Variants in ADGRL3 observed in about 807,000 individuals in gnomAD.
ADGRL3 encodes the protein adhesion G protein-coupled receptor L3.
A neutral mutation model predicts 153.5 loss-of-function variants in ADGRL3; 62 were observed. That is an observed-to-expected ratio of 0.40 (90% CI 0.33 to 0.50). The LOEUF (loss-of-function observed/expected upper bound fraction) is 0.50. Ranked by LOEUF, ADGRL3 falls within the 20% of genes least tolerant of loss-of-function variation. The pLI is 0.47. For missense variants in ADGRL3, 1,641 were observed against 1,859.4 expected, an observed-to-expected ratio of 0.88 and a Z score of 2.16; for synonymous variants, 710 against 672.5, an observed-to-expected ratio of 1.06 and a Z score of -0.86.
At chr4:61,314,240 G>T (rs1171049766) in intron 1 of ADGRL3, among the ~76,000 whole-genome samples, 2 of 142,412 alleles carry the variant, frequency 1.4e-5, no homozygotes, top group African/African-American at 5.3e-5. Context: ...ATTGAGTTTC[G>T]CTCTTGTTGC....
intron 9 of ADGRL3, among the ~76,000 whole-genome samples, chr4:61,844,594 A>ATATATATC: frequency 8.2e-6 from 1 of 121,810 alleles, no homozygotes; most frequent in Non-Finnish European, 1.7e-5. Flanking sequence ...ATATATATAT[A>ATATATATC]TATTTACTTT....
At chr4:61,411,359 T>C (rs190979489) in intron 2 of ADGRL3, among the ~76,000 whole-genome samples, 14 of 152,298 alleles carry the variant, frequency 9.2e-5, no homozygotes, top group African/African-American at 3.4e-4. Context: ...TTTCTTCTTG[T>C]AAGTTTTGGC....
chr4:61,911,542 A>G (rs1413504212), intron 12 of ADGRL3, among the ~76,000 whole-genome samples: 2 of 152,148 alleles, frequency 1.3e-5, no homozygotes, highest in Non-Finnish European at 2.9e-5. Context: ...TCCCTGAAGC[A>G]GTTATAACCT....
intron 6 of ADGRL3, among the ~76,000 whole-genome samples, chr4:61,682,373 A>C (rs1038826177): frequency 1.1e-4 from 17 of 151,852 alleles, no homozygotes; most frequent in Admixed American, 5.3e-4. Flanking sequence ...CAAATAATTT[A>C]TCTCTCCTTC....
At chr4:61,442,421 C>T (rs949356572) in intron 2 of ADGRL3, among the ~76,000 whole-genome samples, 11 of 152,002 alleles carry the variant, frequency 7.2e-5, no homozygotes, top group African/African-American at 2.7e-4. Flanking sequence ...GGGAGCCATT[C>T]GATTATTGCA....
At chr4:61,587,178 T>C (rs1343047556) in intron 4 of ADGRL3, 49 bp from the exon 5 acceptor site, 3 of 1,269,934 alleles carry the variant, frequency 2.4e-6, no homozygotes, top group Middle Eastern at 4.8e-4. Flanking sequence ...TAATTTTCCT[T>C]TGTATGTAGT....
chr4:61,354,599 T>TGTGC lies in ADGRL3; in HGVS notation c.-239-28524_-239-28523insTGCG, dbSNP rs973809061. On this transcript the variant is annotated intron_variant, in intron 1 of 26. Transcript: ENST00000683033. ...CTGTGTGTGTGTGTGTGTGTGTGTG[T>TGTGC]GCGCTTTAGTGACCCAAATAAAATA... 9.4e-4 allele frequency among the ~76,000 whole-genome samples: 143 copies of TGTGC among 151,498 alleles called. 1 individual carries two copies. Among genetic ancestry groups the TGTGC allele is most frequent in the African/African-American group, 1.7e-3 (72 of 41,324 alleles).
intron 21 of ADGRL3, among the ~76,000 whole-genome samples, chr4:62,009,908 AT>A (rs1335067484): frequency 6.6e-6 from 1 of 152,058 alleles, no homozygotes; most frequent in African/African-American, 2.4e-5. Context: ...TAATAGAACA[AT>A]TCTGAACTTA....
At chr4:61,527,276 T>G (rs543436225) in intron 4 of ADGRL3, among the ~76,000 whole-genome samples, 1 of 152,086 alleles carries the variant, frequency 6.6e-6, no homozygotes, top group Non-Finnish European at 1.5e-5. Context: ...TATTAAATAA[T>G]GTAATTATGT....
At chr4:61,965,733 T>C (rs994607599) in intron 17 of ADGRL3, among the ~76,000 whole-genome samples, 2 of 151,754 alleles carry the variant, frequency 1.3e-5, no homozygotes, top group African/African-American at 2.4e-5. Context: ...TCTGGGCGAC[T>C]GAGCAAGACT....
At chr4:62,045,775 T>A (rs1275994286) in intron 25 of ADGRL3, among the ~76,000 whole-genome samples, 4 of 152,000 alleles carry the variant, frequency 2.6e-5, no homozygotes, top group Non-Finnish European at 5.9e-5. Context: ...TTGTCTTGAT[T>A]AGTAAGAATA....
chr4:61,291,674 G>GA (rs2094220844), intron 1 of ADGRL3, among the ~76,000 whole-genome samples: 1 of 148,480 alleles, frequency 6.7e-6, no homozygotes, highest in Non-Finnish European at 1.5e-5. Flanking sequence ...GTGAGAGAGA[G>GA]AAAATGAATG....
At chr4:61,742,090 G>A (rs1485562580) in intron 8 of ADGRL3, among the ~76,000 whole-genome samples, 1 of 152,032 alleles carries the variant, frequency 6.6e-6, no homozygotes, top group Non-Finnish European at 1.5e-5. Context: ...TTTAAGGGTT[G>A]GTAACAGTGC....
At chr4:61,746,676 C>T (rs1181361438) in intron 8 of ADGRL3, among the ~76,000 whole-genome samples, 1 of 152,176 alleles carries the variant, frequency 6.6e-6, no homozygotes, top group Non-Finnish European at 1.5e-5. Flanking sequence ...AAAGAAACAA[C>T]ATACCAGAAT....
intron 1 of ADGRL3, among the ~76,000 whole-genome samples, chr4:61,242,639 T>C (rs1755474450): frequency 6.6e-6 from 1 of 152,012 alleles, no homozygotes; most frequent in Admixed American, 6.6e-5. Flanking sequence ...ATGCATTTTT[T>C]ATGAACATTA....
At chr4:61,260,309 T>C (rs2092401588) in intron 1 of ADGRL3, among the ~76,000 whole-genome samples, 1 of 152,222 alleles carries the variant, frequency 6.6e-6, no homozygotes, top group Non-Finnish European at 1.5e-5. Flanking sequence ...CCAAGTGCTG[T>C]TGACATGAAA....
intron 8 of ADGRL3, among the ~76,000 whole-genome samples, chr4:61,774,523 A>G (rs2097125175): frequency 6.6e-6 from 1 of 152,086 alleles, no homozygotes. Context: ...GAGATGATTT[A>G]AACTGTATGG....
At chr4:61,837,832 T>A (rs2097959252) in intron 9 of ADGRL3, among the ~76,000 whole-genome samples, 1 of 152,130 alleles carries the variant, frequency 6.6e-6, no homozygotes. Context: ...AAGAAACAAT[T>A]ACACGCTGTT....
At chr4:61,433,056 T>C (rs1237800882) in intron 2 of ADGRL3, among the ~76,000 whole-genome samples, 1 of 152,214 alleles carries the variant, frequency 6.6e-6, no homozygotes, top group African/African-American at 2.4e-5. Context: ...CAGTGGCCCC[T>C]GGGCATCACT....
Sources: gnomAD v4.1 joint callset for allele counts (sites outside exome capture counted in the v4.1 genomes callset) on GRCh38, gnomAD v4.1.1 for gene constraint, MANE v1.5 for transcripts, NCBI Gene and HGNC (gene_info 2026-07-23, HGNC 2026-07-21) for gene names.